Variants in GGT1 observed in about 807,000 individuals in gnomAD.
GGT1 encodes the protein gamma-glutamyltransferase 1, also known as glutathione hydrolase 1 proenzyme.
GGT1 carries 21 observed loss-of-function variants against 56.0 expected under a neutral mutation model. The observed-to-expected ratio is 0.38, with a 90% CI of 0.27 to 0.54. GGT1 has a LOEUF of 0.54. Among genes scored for constraint, GGT1 ranks in the 20% least tolerant of loss-of-function variants. The pLI is 0.82. For missense variants in GGT1, 466 were observed against 787.0 expected, an observed-to-expected ratio of 0.59 and a Z score of 4.88; for synonymous variants, 238 against 342.6, an observed-to-expected ratio of 0.69 and a Z score of 3.37.
chr22:24,624,863 C>T (rs2047652710), intron 11 of GGT1: 1 of 151,944 alleles, frequency 6.6e-6, no homozygotes, highest in Admixed American at 6.6e-5. Context: ...CAGGGTATCC[C>T]CTCCCCTGCT....
intron 10 of GGT1, 44 bp downstream of exon 10, chr22:24,623,300 G>A: frequency 6.8e-7 from 1 of 1,463,604 alleles, no homozygotes; most frequent in Non-Finnish European, 9.3e-7. Context: ...CCATGACACT[G>A]CCTCTCTCTC....
upstream of GGT1, chr22:24,592,805 C>T: frequency 8.0e-7 from 1 of 1,249,312 alleles, no homozygotes; most frequent in South Asian, 2.3e-5. Flanking sequence ...TCCCAGACCC[C>T]CAGACCCCCA....
chr22:24,590,209 T>G (rs1601594680), upstream of GGT1, among the ~76,000 whole-genome samples: 2 of 152,112 alleles, frequency 1.3e-5, no homozygotes, highest in Non-Finnish European at 2.9e-5. Context: ...CTCAGTTCAG[T>G]GTAACATCTG....
chr22:24,596,447 G>A (rs2045693259), intron 1 of GGT1, among the ~76,000 whole-genome samples: 1 of 152,064 alleles, frequency 6.6e-6, no homozygotes, highest in Non-Finnish European at 1.5e-5. Flanking sequence ...GTGTCTGTGT[G>A]GCCTTCACAT....
In GGT1 at chr22:24,611,239, T is replaced by C. The variant is rs1366940248; in HGVS notation, c.158T>C (p.Ile53Thr). ...VAADAKQCSKIGRDALRDGGS... is the reference protein window; with the variant it reads ...VAADAKQCSKTGRDALRDGGS... ...GCGGATGCCAAGCAGTGCTCGAAGA[T>C]TGGGAGGTGAGCAGGGCAGGGCATG... is the stretch of plus-strand genomic sequence containing the variant. The change falls in exon 5 of 16, where the codon ATT (isoleucine) becomes ACT (threonine). Residue 53 changes from isoleucine (I) to threonine (T), a missense_variant. Ile to Thr is a moderately conservative substitution (Grantham distance 89, BLOSUM62 -1). Around this residue, in one of 2 missense-constraint regions of GGT1, gnomAD observed 456 missense variants for 716.7 expected, o/e 0.64. Coordinates refer to ENST00000400382, the MANE Select transcript of GGT1 (RefSeq NM_001288833.2). 14 of 1,552,042 alleles carry C rather than the reference T, an allele frequency of 9.0e-6. No individual in the cohort carries two copies. Among genetic ancestry groups the C allele is most frequent in the East Asian group, 2.4e-5 (1 of 42,004 alleles).
chr22:24,589,904 C>T (rs774666585), upstream of GGT1: 53 of 1,613,046 alleles, frequency 3.3e-5, no homozygotes, highest in East Asian at 1.2e-3. Flanking sequence ...AAGGCCACAT[C>T]TCTGTAGAGG....
the GGT1 span, chr22:24,588,709 C>T: frequency 1.7e-5 from 18 of 1,075,314 alleles, no homozygotes; most frequent in South Asian, 3.0e-5. Context: ...CCAGGCCCCT[C>T]GAGGGAGCCG....
intron 1 of GGT1, among the ~76,000 whole-genome samples, chr22:24,596,914 CAAAAAA>C (rs78452000): frequency 7.9e-5 from 5 of 63,024 alleles, no homozygotes; most frequent in South Asian, 1.4e-3. Context: ...GACTCTGTCT[CAAAAAA>C]AAAAAAAAAA....
intron 5 of GGT1, among the ~76,000 whole-genome samples, chr22:24,611,661 G>A (rs2046702078): frequency 6.6e-6 from 1 of 151,854 alleles, no homozygotes; most frequent in Non-Finnish European, 1.5e-5. Flanking sequence ...CTGGAGTGCA[G>A]TGGTGCAATC....
the GGT1 span, chr22:24,586,221 A>G: frequency 1.6e-5 from 26 of 1,613,680 alleles, no homozygotes; most frequent in East Asian, 5.3e-4. Context: ...GGCAGCGCCC[A>G]CAGGCTGGGC....
At chr22:24,591,489 C>T (rs549965179), upstream of GGT1, among the ~76,000 whole-genome samples, 9 of 152,274 alleles carry the variant, frequency 5.9e-5, no homozygotes, top group Admixed American at 3.9e-4. Context: ...ATGCTCTGTG[C>T]GTGGGTCCCA....
intron 11 of GGT1, 134 bp downstream of exon 11, chr22:24,624,050 C>T: frequency 2.6e-6 from 4 of 1,519,532 alleles, no homozygotes; most frequent in Non-Finnish European, 3.5e-6. Context: ...TGCGGGCCTA[C>T]TGTGTGCTCG....
At position 24,611,057 on chromosome 22, in the gene GGT1, C is replaced by T; in HGVS notation, c.-7-18C>T. ...TCTGAGGCTAGGCCTGACCCTGCTT[C>T]TTACCCCGTGGGTGCAGCAGAGCCA... On this transcript the variant is annotated intron_variant, in intron 4 of 15. Transcript: ENST00000400382. 5 of 1,592,302 alleles carry T rather than the reference C, an allele frequency of 3.1e-6. No homozygotes were observed. The highest frequency in any genetic ancestry group is 4.3e-6 in the Non-Finnish European group (5 of 1,169,670).
chr22:24,628,503 G>A lies in GGT1; in HGVS notation c.1563+115G>A. 2 of 1,369,322 alleles carry A rather than the reference G, an allele frequency of 1.5e-6. No individual in the cohort carries two copies. Among genetic ancestry groups the A allele is most frequent in the Non-Finnish European group, 2.0e-6 (2 of 987,480 alleles). 84.8% of individuals were successfully genotyped at this position (1,369,322 alleles called of 1,614,324 possible). A position where few individuals can be genotyped will look rare whatever the true frequency, so the allele number is the denominator to read the frequency against. ...GTTGGTGTCCTCTCTCTAGTGCCTG[G>A]GCCATCTGGAGCCCCTGTGCCATGA... On this transcript the variant is annotated intron_variant, in intron 15 of 15. Transcript: ENST00000400382. The surrounding 1 kb of genome is among the most constrained non-coding windows in gnomAD (Gnocchi z 5.7).
chr22:24,587,275 C>T, the GGT1 span, among the ~76,000 whole-genome samples: 6 of 152,134 alleles, frequency 3.9e-5, no homozygotes, highest in African/African-American at 7.2e-5. Flanking sequence ...GGCTGGGGGC[C>T]GGCCATGAGG....
At chr22:24,588,397 G>C in the GGT1 span, 1 of 1,255,222 alleles carries the variant, frequency 8.0e-7, no homozygotes, top group Non-Finnish European at 1.2e-6. Context: ...CTTGGGGAGA[G>C]GGACCCAGGC....
chr22:24,628,200 G>A lies in GGT1; in HGVS notation c.1449+7G>A, dbSNP rs2047912159. ...CACCACGGCCACTGCACTGGTATGT[G>A]TCACACCTTTTCTCCCTGGCCGTGC... On this transcript the variant is annotated splice_region_variant and intron_variant, in intron 14 of 15. Transcript: ENST00000400382. The surrounding 1 kb of genome is among the most constrained non-coding windows in gnomAD (Gnocchi z 5.7). 1 of 1,612,034 alleles carries A rather than the reference G, an allele frequency of 6.2e-7. No individual in the cohort carries two copies. The highest frequency in any genetic ancestry group is 8.5e-7 in the Non-Finnish European group (1 of 1,179,860).
upstream of GGT1, among the ~76,000 whole-genome samples, chr22:24,600,075 G>C (rs1398028711): frequency 1.3e-5 from 2 of 152,234 alleles, no homozygotes; most frequent in Admixed American, 1.3e-4. Context: ...CAGGTGATGT[G>C]ATAAATACTA....
At chr22:24,592,889 G>C (rs1019114133), upstream of GGT1, 4 of 1,281,134 alleles carry the variant, frequency 3.1e-6, no homozygotes, top group Non-Finnish European at 3.0e-6. Flanking sequence ...AGCAGCTGCC[G>C]GGCGCGCTCC....
Sources: gnomAD v4.1 joint callset for allele counts (sites outside exome capture counted in the v4.1 genomes callset) on GRCh38, gnomAD v4.1.1 for gene constraint, gnomAD v4.1.1 regional missense constraint, Gnocchi (gnomAD v3.1) non-coding constraint, MANE v1.5 for transcripts, NCBI Gene and HGNC (gene_info 2026-07-23, HGNC 2026-07-21) for gene names.